The following NEB variants were observed in gnomAD, a reference collection of about 807,000 sequenced individuals.
NEB encodes the protein nemaline myopathy type 2.
Under a neutral mutation model 952.2 loss-of-function variants are expected in NEB, and 512 were observed. That is an observed-to-expected ratio of 0.54 (90% CI 0.50 to 0.58). The LOEUF (loss-of-function observed/expected upper bound fraction) is 0.58. Ranked by LOEUF, NEB falls within the 20% of genes least tolerant of loss-of-function variation. The probability of loss-of-function intolerance (pLI) is 0.00; values close to 1 mark genes in which losing one functional copy is unlikely to be tolerated. For synonymous variants in NEB, 2,900 were observed against 3,149.8 expected (o/e 0.92, Z 2.66); for missense variants, 8,428 against 9,231.1 (o/e 0.91, Z 3.56).
chr2:151,565,452 C>T (rs201126336), intron 116 of NEB, 49 bp downstream of exon 116: 24 of 1,250,434 alleles, frequency 1.9e-5, no homozygotes, highest in Non-Finnish European at 2.7e-5. Context: ...CAATGATAGA[C>T]AATTTACTCC....
At chr2:151,641,153 GA>G (rs918762416) in intron 60 of NEB, among the ~76,000 whole-genome samples, 2 of 151,612 alleles carry the variant, frequency 1.3e-5, no homozygotes, top group Non-Finnish European at 2.9e-5. Context: ...TATACACACA[GA>G]AAAAAAAGAA....
chr2:151,616,974 A>C (rs910281383), intron 75 of NEB, among the ~76,000 whole-genome samples: 2 of 152,222 alleles, frequency 1.3e-5, no homozygotes, highest in African/African-American at 4.8e-5. Context: ...TTAACATCAA[A>C]TGATTATCAG....
rs769112375 is a variant in NEB at position 151,659,078 on chromosome 2, A to G, written c.6062T>C (p.Ile2021Thr). 6.2e-7 allele frequency: 1 copy of G among 1,604,940 alleles called. No homozygotes were observed. Among genetic ancestry groups the G allele is most frequent in the Non-Finnish European group, 8.5e-7 (1 of 1,171,764 alleles). The change falls in exon 47 of 182, where the codon ATT becomes ACT. Residue 2021 changes from isoleucine (I) to threonine (T), a missense_variant. Coordinates refer to ENST00000397345, the MANE Select transcript of NEB (RefSeq NM_001164508.2). ...AACTATACTTACATCACTCATATTAATTGCATTTGCCTTTGCCAAAATAAT... is the reference window on the plus strand; with the variant it reads ...AACTATACTTACATCACTCATATTAGTTGCATTTGCCTTTGCCAAAATAAT... ...PQIILAKANA[I>T]NMSDKLYKLS... is the part of the protein sequence containing the mutation.
At chr2:151,625,409 G>T in intron 71 of NEB, 125 bp downstream of exon 71, 1 of 577,672 alleles carries the variant, frequency 1.7e-6, no homozygotes. Context: ...TCAAGGTAGG[G>T]TAAATGGCAT....
intron 119 of NEB, among the ~76,000 whole-genome samples, chr2:151,563,011 CTTTT>C (rs397868741): frequency 1.1e-5 from 1 of 93,340 alleles, no homozygotes; most frequent in Non-Finnish European, 2.1e-5. Flanking sequence ...AATTTCCCAT[CTTTT>C]TTTTTTTTTT....
chr2:151,532,048 T>G (rs938059356), intron 143 of NEB, 152 bp from the exon 144 acceptor site: 19 of 594,150 alleles, frequency 3.2e-5, no homozygotes, highest in Non-Finnish European at 2.4e-5. Flanking sequence ...TTGTGTCTGA[T>G]AGCAAAAGTG....
chr2:151,732,987 C>A, intron 3 of NEB, 134 bp downstream of exon 3: 1 of 709,666 alleles, frequency 1.4e-6, no homozygotes, highest in Non-Finnish European at 2.3e-6. Flanking sequence ...ATATTCCTTT[C>A]TTATGCTTTA....
intron 177 of NEB, 45 bp from the exon 178 acceptor site, chr2:151,492,326 T>A (rs1223481796): frequency 6.3e-7 from 1 of 1,596,698 alleles, no homozygotes; most frequent in African/African-American, 1.3e-5. Context: ...ATGGTGTGAC[T>A]ATATCCCTTT....
chr2:151,493,053 T>G (rs1396994691), intron 176 of NEB: 1 of 290,610 alleles, frequency 3.4e-6, no homozygotes, highest in Non-Finnish European at 6.4e-6. Flanking sequence ...AAATTTGTTA[T>G]AGTTGGTTAC....
intron 35 of NEB, 66 bp from the exon 36 acceptor site, chr2:151,674,650 G>A (rs906632529): frequency 5.6e-6 from 7 of 1,252,782 alleles, no homozygotes; most frequent in South Asian, 4.9e-5. Context: ...GGATTGTTTT[G>A]TTCTTTTCCA....
At chr2:151,616,173 G>T in intron 75 of NEB, 64 bp from the exon 76 acceptor site, 1 of 1,127,582 alleles carries the variant, frequency 8.9e-7, no homozygotes, top group Non-Finnish European at 1.3e-6. Flanking sequence ...TTCATTATTA[G>T]TTTTTCTTTG....
chr2:151,684,351 A>T (rs945444639), intron 28 of NEB, among the ~76,000 whole-genome samples: 1 of 152,166 alleles, frequency 6.6e-6, no homozygotes, highest in Non-Finnish European at 1.5e-5. Context: ...TAAATCATAT[A>T]TTTTCTTTTC....
rs1166387278 is a variant in NEB at position 151,553,763 on chromosome 2, G to T, written c.19626+65C>A. ...CTAAGGTAAAGAAATGGGTGAGTTT[G>T]CTGCCTTCTGGGTGGGGCCGTGGGG... On this transcript the variant is annotated intron_variant, in intron 126 of 181. Coordinates refer to ENST00000397345, the MANE Select transcript of NEB (RefSeq NM_001164508.2). 4.2e-6 allele frequency: 6 copies of T among 1,438,416 alleles called. No homozygotes were observed. In the Admixed American group the frequency reaches 9.2e-5, roughly 22 times the overall value. 89.1% of individuals were successfully genotyped at this position (1,438,416 alleles called of 1,614,324 possible).
rs2153073699 is a variant in NEB, at chr2:151,501,474, T to TAA, written c.23937_23938insTT (p.Lys7980LeufsTer5). 1 of 1,515,346 alleles carries TAA rather than the reference T, an allele frequency of 6.6e-7. No homozygotes were observed. The highest frequency in any genetic ancestry group is 1.4e-5 in the African/African-American group (1 of 72,050). 93.9% of individuals were successfully genotyped at this position (1,515,346 alleles called of 1,614,324 possible). ...GGAGTCCCCTTGCTCAAGTTCTCTT[T>TAA]GTACAATATCTGTGTGCACAAAACC... On this transcript the variant is annotated frameshift_variant, in exon 168 of 182. Transcript: ENST00000397345. LOFTEE classifies it high-confidence loss of function.
rs1577196698 is a variant in NEB, at chr2:151,552,033, A to T, written c.19837-188T>A. ...GAGAAACAGAAGAGATGGCCCAGGC[A>T]CAAGAAGAGGAAGGGTGGGCATTTT... On this transcript the variant is annotated intron_variant, in intron 128 of 181. Transcript: ENST00000397345. Among the ~76,000 whole-genome samples, 4 of 152,316 alleles carry T rather than the reference A, an allele frequency of 2.6e-5. 1 individual carries two copies. The highest frequency in any genetic ancestry group is 2.6e-4 in the Admixed American group (4 of 15,294).
chr2:151,622,402 C>T (rs2098436777), intron 71 of NEB, among the ~76,000 whole-genome samples: 2 of 152,162 alleles, frequency 1.3e-5, no homozygotes, highest in African/African-American at 4.8e-5. Context: ...TATTATCACA[C>T]TTAGTCAAAT....
Position 151,576,200 on chromosome 2 carries a change from T to G in NEB, c.16859A>C (p.Asp5620Ala). 1 of 1,610,782 alleles carries G rather than the reference T, an allele frequency of 6.2e-7. No individual in the cohort carries two copies. The highest frequency in any genetic ancestry group is 8.5e-7 in the Non-Finnish European group (1 of 1,177,682). ...VVNLKYTSIV[D>A]TPEVVLAKSN... ...TTTAGCAAGGACCACTTCAGGTGTG[T>G]CAACAATGCTTGTGTACTTAAGGTT... is the stretch of plus-strand genomic sequence containing the variant. Residue 5620 changes from aspartate to alanine, a missense_variant, in exon 106 of 182, where the codon GAC (aspartate) becomes GCC (alanine). Physicochemically the swap from Asp to Ala is moderately radical, Grantham distance 126. This residue lies in a region of NEB where 3,374 missense variants were observed against 3,651.5 expected (regional missense o/e 0.92). Coordinates refer to ENST00000397345, the MANE Select transcript of NEB (RefSeq NM_001164508.2).
At chr2:151,704,678 T>C (rs2099697248) in intron 13 of NEB, among the ~76,000 whole-genome samples, 1 of 152,216 alleles carries the variant, frequency 6.6e-6, no homozygotes, top group African/African-American at 2.4e-5. Context: ...TCTGACCCCT[T>C]GCGCTTCCCA....
chr2:151,612,472 T>C, intron 77 of NEB, 83 bp from the exon 78 acceptor site: 2 of 1,238,590 alleles, frequency 1.6e-6, no homozygotes, highest in East Asian at 5.0e-5. Context: ...ACACAGATAA[T>C]GTGTTAGTCT....
Sources: gnomAD v4.1 joint callset for allele counts (sites outside exome capture counted in the v4.1 genomes callset) on GRCh38, gnomAD v4.1.1 for gene constraint, gnomAD v4.1.1 regional missense constraint, MANE v1.5 for transcripts, NCBI Gene and HGNC (gene_info 2026-07-23, HGNC 2026-07-21) for gene names.